The following CASP6 variants were observed in gnomAD, a reference collection of about 807,000 sequenced individuals.
CASP6 encodes the protein caspase-6.
A neutral mutation model predicts 31.8 loss-of-function variants in CASP6; 20 were observed. The observed-to-expected ratio is 0.63, with a 90% confidence interval of 0.44 to 0.91. The LOEUF (loss-of-function observed/expected upper bound fraction) is 0.91. CASP6 is among the 40% of genes least tolerant of loss of function. The pLI is 0.00. For missense variants in CASP6, 328 were observed against 361.1 expected, an observed-to-expected ratio of 0.91 and a Z score of 0.74; for synonymous variants, 130 against 127.8, an observed-to-expected ratio of 1.02 and a Z score of -0.12.
the CASP6 span, among the ~76,000 whole-genome samples, chr4:109,672,070 A>G: frequency 6.6e-6 from 1 of 151,794 alleles, no homozygotes; most frequent in Non-Finnish European, 1.5e-5. Context: ...CTATAATCTT[A>G]TTATTAAATA....
the CASP6 span, among the ~76,000 whole-genome samples, chr4:109,676,275 G>A: frequency 6.6e-6 from 1 of 152,110 alleles, no homozygotes. Context: ...GTGGTGACTC[G>A]CACCTATAAT....
At chr4:109,698,720 T>C (rs1730328612) in intron 1 of CASP6, among the ~76,000 whole-genome samples, 1 of 152,186 alleles carries the variant, frequency 6.6e-6, no homozygotes, top group African/African-American at 2.4e-5. Context: ...AAGAATTAAG[T>C]CCTACAGGAA....
chr4:109,689,553 C>T lies in CASP6; in HGVS notation c.659G>A (p.Arg220Gln), dbSNP rs528718070. The T allele has an allele frequency of 1.1e-5, 18 of 1,614,012 alleles. No individual in the cohort carries two copies. Among genetic ancestry groups the T allele is most frequent in the Admixed American group, 5.0e-5 (3 of 60,000 alleles). ...YSVAEGYYSH[R>Q]ETVNGSWYIQ... Reference sequence around the variant, plus strand: ...GTACCATGAGCCGTTCACAGTTTCCCGGTGAGAATAATATCCTAAAAAAGT... The same window carrying T: ...GTACCATGAGCCGTTCACAGTTTCCTGGTGAGAATAATATCCTAAAAAAGT... Residue 220 changes from arginine (R) to glutamine (Q), a missense_variant, in exon 7 of 7, where the codon CGG becomes CAG. Coordinates refer to ENST00000265164, the MANE Select transcript of CASP6 (RefSeq NM_001226.4).
At chr4:109,693,369 G>A (rs1183004976) in intron 5 of CASP6, among the ~76,000 whole-genome samples, 1 of 152,190 alleles carries the variant, frequency 6.6e-6, no homozygotes, top group Admixed American at 6.5e-5. Flanking sequence ...TTGTGACACT[G>A]GCATGTCAGG....
the CASP6 span, among the ~76,000 whole-genome samples, chr4:109,665,037 A>G: frequency 5.3e-5 from 8 of 152,158 alleles, no homozygotes; most frequent in African/African-American, 1.9e-4. Flanking sequence ...TCTGCACCCC[A>G]CGCCCCTTAT....
At position 109,694,624 on chromosome 4, in the gene CASP6, A is replaced by T; in HGVS notation, c.384T>A (p.Tyr128Ter). 6.2e-7 allele frequency: 1 copy of T among 1,613,134 alleles called. No homozygotes were observed. Among genetic ancestry groups the T allele is most frequent in the Non-Finnish European group, 8.5e-7 (1 of 1,179,622 alleles). Residue 128 changes from tyrosine (Y) to a stop codon, truncating the protein, a stop_gained, in exon 5 of 7, where the codon TAT (tyrosine) becomes TAA (stop). Coordinates refer to ENST00000265164, the MANE Select transcript of CASP6 (RefSeq NM_001226.4). LOFTEE classifies it high-confidence loss of function. ...GAATTTCGATTTTAGCATCATATGC[A>T]TAAATGTGATTGCCTTCGCCATGGC... ...FLSHGEGNHI[Y>*]AYDAKIEIQT... is the part of the protein sequence containing the mutation.
upstream of CASP6, among the ~76,000 whole-genome samples, chr4:109,705,974 TAAAAAAAAAAAAAAAAAAA>T (rs59584573): frequency 0.011 from 311 of 29,400 alleles, 19 homozygotes; most frequent in African/African-American, 0.028. Flanking sequence ...AGACACTCTT[TAAAAAAAAAAAAAAAAAAA>T]AAAAAAAAAT....
intron 6 of CASP6, among the ~76,000 whole-genome samples, chr4:109,690,642 T>G (rs1437054628): frequency 1.3e-5 from 2 of 152,196 alleles, no homozygotes; most frequent in Non-Finnish European, 2.9e-5. Context: ...TTACTCAACA[T>G]AACTCTCAGG....
At chr4:109,687,567 T>TAGA, downstream of CASP6, 1 of 1,610,608 alleles carries the variant, frequency 6.2e-7, no homozygotes. Flanking sequence ...CAAATGCAAG[T>TAGA]AGAAGAACTC....
downstream of CASP6, chr4:109,685,422 C>A: frequency 2.7e-6 from 2 of 748,720 alleles, no homozygotes; most frequent in Admixed American, 1.9e-5. Flanking sequence ...AACTTAGTAT[C>A]AGGGAAGTAT....
At chr4:109,694,765 T>A in intron 4 of CASP6, 65 bp from the exon 5 acceptor site, 1 of 1,376,376 alleles carries the variant, frequency 7.3e-7, no homozygotes, top group Non-Finnish European at 9.7e-7. Flanking sequence ...CACATAAAAA[T>A]TCAGTTTATT....
chr4:109,667,540 C>A, the CASP6 span, among the ~76,000 whole-genome samples: 1 of 151,224 alleles, frequency 6.6e-6, no homozygotes, highest in Admixed American at 6.6e-5. Context: ...TAGCTTTTAA[C>A]ATCATTGATT....
chr4:109,709,751 A>G, the CASP6 span, among the ~76,000 whole-genome samples: 1 of 152,236 alleles, frequency 6.6e-6, no homozygotes, highest in African/African-American at 2.4e-5. Flanking sequence ...ATAATTCTAC[A>G]ACTTAAAAAT....
chr4:109,684,356 C>T (rs1454389931), downstream of CASP6: 2 of 1,104,822 alleles, frequency 1.8e-6, no homozygotes, highest in Non-Finnish European at 2.6e-6. Flanking sequence ...GCCACCGCGC[C>T]CGGCAAGAGT....
At chr4:109,693,264 TATAA>T (rs1249886645) in intron 5 of CASP6, among the ~76,000 whole-genome samples, 1 of 152,206 alleles carries the variant, frequency 6.6e-6, no homozygotes, top group Non-Finnish European at 1.5e-5. Context: ...CTCTCTTCCT[TATAA>T]ATTACCCAGT....
chr4:109,673,007 A>T, the CASP6 span, among the ~76,000 whole-genome samples: 2 of 152,252 alleles, frequency 1.3e-5, no homozygotes, highest in Non-Finnish European at 2.9e-5. Flanking sequence ...ATTTTCAAAT[A>T]CAAACAAGAA....
chr4:109,675,554 A>G, the CASP6 span, among the ~76,000 whole-genome samples: 1 of 152,224 alleles, frequency 6.6e-6, no homozygotes, highest in African/African-American at 2.4e-5. Context: ...TGTTTATTCC[A>G]GCCAAAACCT....
At chr4:109,682,048 T>C in the CASP6 span, among the ~76,000 whole-genome samples, 2 of 143,776 alleles carry the variant, frequency 1.4e-5, no homozygotes, top group Non-Finnish European at 3.0e-5. Context: ...CTCCTGTTTT[T>C]GCCTAATTAG....
chr4:109,681,447 G>A, the CASP6 span: 1 of 453,786 alleles, frequency 2.2e-6, no homozygotes, highest in Non-Finnish European at 4.4e-6. Flanking sequence ...AGTGTTACCG[G>A]GGGTCCTTGC....
Sources: allele counts gnomAD v4.1 joint callset (sites outside exome capture counted in the v4.1 genomes callset), GRCh38; gene constraint gnomAD v4.1.1; transcripts MANE v1.5; gene names NCBI Gene and HGNC (gene_info 2026-07-23, HGNC 2026-07-21).